Variants in FHIT observed in about 807,000 individuals in gnomAD.
The protein encoded by FHIT is bis(5'-adenosyl)-triphosphatase.
A neutral mutation model predicts 17.9 loss-of-function variants in FHIT; 19 were observed. The observed-to-expected ratio is 1.06, with a 90% CI of 0.74 to 1.56. The LOEUF is 1.56. Ranked by LOEUF, FHIT falls within the 40% of genes most tolerant of loss-of-function variation. FHIT has a pLI of 0.00. For synonymous variants in FHIT, 81 were observed against 69.7 expected, an observed-to-expected ratio of 1.16 and a Z score of -0.81; for missense variants, 248 against 189.2, an observed-to-expected ratio of 1.31 and a Z score of -1.82.
chr3:60,155,017 T>C (rs1014270164), intron 5 of FHIT, among the ~76,000 whole-genome samples: 12 of 151,772 alleles, frequency 7.9e-5, no homozygotes, highest in African/African-American at 1.5e-4. Context: ...CTGGGCAACA[T>C]AGTGAGATCC....
chr3:61,036,274 T>G (rs1352390950), intron 3 of FHIT, among the ~76,000 whole-genome samples: 1 of 152,118 alleles, frequency 6.6e-6, no homozygotes, highest in Non-Finnish European at 1.5e-5. Context: ...ATTGTGGGGA[T>G]AGCACCAAGG....
At chr3:59,844,652 A>G (rs1225730581) in intron 8 of FHIT, among the ~76,000 whole-genome samples, 1 of 152,132 alleles carries the variant, frequency 6.6e-6, no homozygotes, top group Non-Finnish European at 1.5e-5. Context: ...AACCATCCAT[A>G]CACTCCAAGA....
At chr3:60,044,925 G>A (rs927743094) in intron 5 of FHIT, among the ~76,000 whole-genome samples, 7 of 152,016 alleles carry the variant, frequency 4.6e-5, no homozygotes, top group South Asian at 2.1e-4. Context: ...ACTAATAATC[G>A]TGCTTAAAAC....
intron 3 of FHIT, among the ~76,000 whole-genome samples, chr3:60,993,579 G>A (rs2030435405): frequency 6.6e-6 from 1 of 152,074 alleles, no homozygotes; most frequent in African/African-American, 2.4e-5. Flanking sequence ...ACACCACCCA[G>A]GGAGATAAAA....
chr3:60,352,602 T>A (rs1027599163), intron 5 of FHIT, among the ~76,000 whole-genome samples: 3 of 152,130 alleles, frequency 2.0e-5, no homozygotes, highest in African/African-American at 7.2e-5. Flanking sequence ...CCTAGGTTCA[T>A]GTGATCCTCC....
intron 5 of FHIT, among the ~76,000 whole-genome samples, chr3:60,102,126 T>C (rs1207598385): frequency 6.6e-6 from 1 of 152,226 alleles, no homozygotes; most frequent in Admixed American, 6.5e-5. Flanking sequence ...TTATCTTCAA[T>C]ACAATACCTG....
chr3:60,562,080 A>G (rs2036973618), intron 4 of FHIT, among the ~76,000 whole-genome samples: 1 of 152,154 alleles, frequency 6.6e-6, no homozygotes, highest in African/African-American at 2.4e-5. Flanking sequence ...TTTATTCAAC[A>G]TCTACTATGT....
At chr3:60,437,720 TA>T (rs1559912424) in intron 5 of FHIT, among the ~76,000 whole-genome samples, 1 of 152,094 alleles carries the variant, frequency 6.6e-6, no homozygotes, top group Non-Finnish European at 1.5e-5. Context: ...TTCTAAGATA[TA>T]AATTCATATT....
Position 60,723,280 on chromosome 3 carries a change from G to A in FHIT, c.-18+98639C>T, listed in dbSNP as rs373858476. On this transcript the variant is annotated intron_variant, in intron 4 of 9. Transcript: ENST00000492590. ...AAAAGAGTTAACACAGAGCAGGCTC[G>A]AGAAGGCCTATCCTTAGAAGGCCTG... Among the ~76,000 whole-genome samples the A allele has an allele frequency of 5.3e-5, 8 of 152,306 alleles. 1 individual carries two copies. The South Asian group carries it at 1.0e-3, about 20-fold the overall frequency.
intron 4 of FHIT, among the ~76,000 whole-genome samples, chr3:60,808,923 T>C (rs1553735239): frequency 6.6e-6 from 1 of 152,222 alleles, no homozygotes; most frequent in Non-Finnish European, 1.5e-5. Context: ...TGGACTTCTA[T>C]AAATTTTATT....
In FHIT at chr3:61,214,276, G is replaced by T. The variant is rs1576236812; in HGVS notation, c.-212-13611C>A. The stretch of plus-strand genomic sequence containing the variant: ...GACAGCTAGCAAGACTAATAAAGAA[G>T]AAAAGAGAGAAGAATCAAATAGACG... On this transcript the variant is annotated intron_variant, in intron 1 of 9. Coordinates refer to ENST00000492590, the MANE Select transcript of FHIT (RefSeq NM_002012.4). 2.0e-5 allele frequency among the ~76,000 whole-genome samples: 3 copies of T among 152,090 alleles called. No homozygotes were observed. In the South Asian group the frequency reaches 6.2e-4, roughly 32 times the overall value.
chr3:59,990,501 A>G (rs73089911), intron 7 of FHIT, among the ~76,000 whole-genome samples: 14,497 of 152,126 alleles, frequency 0.095, 877 homozygotes, highest in Admixed American at 0.13. Context: ...AGATGAGGGG[A>G]ACCCGCTCTC....
At chr3:61,114,684 T>C (rs1387889143) in intron 2 of FHIT, among the ~76,000 whole-genome samples, 1 of 152,176 alleles carries the variant, frequency 6.6e-6, no homozygotes, top group African/African-American at 2.4e-5. Context: ...CCTTTGACCC[T>C]GTCCTGTTAA....
rs563696422 is a variant in FHIT, at chr3:60,372,272, C to A, written c.103+164588G>T. ...AGAGACGTATTCATCTTTAAGCCAA[C>A]CTTCCAAATTTACCTGAGCATAGAG... On this transcript the variant is annotated intron_variant, in intron 5 of 9. Coordinates refer to ENST00000492590, the MANE Select transcript of FHIT (RefSeq NM_002012.4). Among the ~76,000 whole-genome samples the A allele has an allele frequency of 2.6e-4, 39 of 152,220 alleles. 1 individual carries two copies. In the South Asian group the frequency reaches 7.1e-3, roughly 28 times the overall value.
chr3:60,700,049 T>G (rs1331824596), intron 4 of FHIT, among the ~76,000 whole-genome samples: 1 of 150,292 alleles, frequency 6.7e-6, no homozygotes, highest in Admixed American at 6.7e-5. Context: ...GAGAATCGCT[T>G]GAACCCGGGA....
chr3:60,203,887 A>G (rs61651917), intron 5 of FHIT, among the ~76,000 whole-genome samples: 4,395 of 152,262 alleles, frequency 0.029, 213 homozygotes, highest in African/African-American at 0.099. Context: ...GGAGCTAAAA[A>G]TCAGAACAAT....
At chr3:59,986,161 G>C (rs891507913) in intron 7 of FHIT, among the ~76,000 whole-genome samples, 1 of 151,928 alleles carries the variant, frequency 6.6e-6, no homozygotes, top group African/African-American at 2.4e-5. Context: ...AACTGTAGCA[G>C]CTAACTTTCT....
intron 5 of FHIT, among the ~76,000 whole-genome samples, chr3:60,296,971 T>A (rs185761601): frequency 4.6e-5 from 7 of 151,366 alleles, no homozygotes; most frequent in Admixed American, 4.6e-4. Flanking sequence ...GGTCTGTTTC[T>A]GGGTTCTCTA....
chr3:59,987,894 G>A, intron 7 of FHIT, among the ~76,000 whole-genome samples: 1 of 152,018 alleles, frequency 6.6e-6, no homozygotes, highest in East Asian at 1.9e-4. Context: ...ATATCAAGAA[G>A]CCTTAGGTAC....
Sources: allele counts gnomAD v4.1 joint callset (sites outside exome capture counted in the v4.1 genomes callset), GRCh38; gene constraint gnomAD v4.1.1; transcripts MANE v1.5; gene names NCBI Gene and HGNC (gene_info 2026-07-23, HGNC 2026-07-21).